REV3L: variants seen among roughly 807,000 people sequenced by gnomAD.
The protein encoded by REV3L is REV3 like, DNA directed polymerase zeta catalytic subunit, also known as DNA polymerase zeta catalytic subunit.
In REV3L, 69 loss-of-function variants were observed where a neutral mutation model predicts 299.4. That is an observed-to-expected ratio of 0.23 (90% confidence interval 0.19 to 0.28). REV3L has a LOEUF of 0.28. Among genes scored for constraint, REV3L ranks in the 10% least tolerant of loss-of-function variants. REV3L has a pLI of 1.00. For missense variants in REV3L, 3,128 were observed against 3,693.8 expected, an observed-to-expected ratio of 0.85 and a Z score of 3.97; for synonymous variants, 1,238 against 1,271.4, an observed-to-expected ratio of 0.97 and a Z score of 0.56.
At chr6:111,321,100 T>C (rs190225560) in intron 26 of REV3L, among the ~76,000 whole-genome samples, 50 of 152,074 alleles carry the variant, frequency 3.3e-4, no homozygotes, top group Non-Finnish European at 6.2e-4. Flanking sequence ...TGAATATCAA[T>C]TTATGGCTCT....
intron 1 of REV3L, among the ~76,000 whole-genome samples, chr6:111,475,734 T>C (rs12214380): frequency 0.4 from 61,120 of 152,138 alleles, 14,878 homozygotes; most frequent in Non-Finnish European, 0.54. Flanking sequence ...CTGTTTCTCT[T>C]TTAACTTTGT....
intron 11 of REV3L, among the ~76,000 whole-genome samples, chr6:111,379,691 T>C (rs1780637469): frequency 6.6e-6 from 1 of 152,216 alleles, no homozygotes; most frequent in African/African-American, 2.4e-5. Flanking sequence ...AGTTCTAAGA[T>C]AAGAAGGCAC....
At chr6:111,322,796 C>T (rs1022731304) in intron 25 of REV3L, 118 bp from the exon 26 acceptor site, 19 of 738,728 alleles carry the variant, frequency 2.6e-5, no homozygotes, top group South Asian at 1.2e-4. Context: ...GAGAAAAGAA[C>T]GTAAAAAAGA....
intron 31 of REV3L, among the ~76,000 whole-genome samples, chr6:111,306,528 G>T (rs1381285742): frequency 1.3e-5 from 2 of 152,128 alleles, no homozygotes; most frequent in Non-Finnish European, 2.9e-5. Flanking sequence ...TGAGATGTTT[G>T]TTGTTTATTT....
At chr6:111,386,717 ATTTTTTTT>A (rs67124715) in intron 9 of REV3L, among the ~76,000 whole-genome samples, 37 of 97,650 alleles carry the variant, frequency 3.8e-4, no homozygotes, top group Admixed American at 1.7e-3. Flanking sequence ...TAACAGCACT[ATTTTTTTT>A]TTTTTTTTTT....
chr6:111,351,939 C>T, intron 18 of REV3L, 148 bp from the exon 19 acceptor site: 1 of 528,480 alleles, frequency 1.9e-6, no homozygotes, highest in Non-Finnish European at 3.4e-6. Flanking sequence ...ACAGTGGTAC[C>T]TACAGAGTTT....
intron 26 of REV3L, among the ~76,000 whole-genome samples, chr6:111,320,207 T>G (rs2114771913): frequency 6.6e-6 from 1 of 152,320 alleles, no homozygotes; most frequent in South Asian, 2.1e-4. Context: ...TAACTGGGAT[T>G]ACAGGCATGC....
At chr6:111,300,528 TAA>T (rs970743056) in intron 31 of REV3L, among the ~76,000 whole-genome samples, 7 of 152,190 alleles carry the variant, frequency 4.6e-5, no homozygotes, top group Admixed American at 2.6e-4. Flanking sequence ...ATGCCAATCA[TAA>T]AAAAGTTACT....
intron 31 of REV3L, among the ~76,000 whole-genome samples, chr6:111,304,939 GTTC>G (rs1040898218): frequency 1.4e-5 from 2 of 145,846 alleles, no homozygotes; most frequent in African/African-American, 5.1e-5. Flanking sequence ...TTTGTTCTTT[GTTC>G]TTTTTTTTTT....
At position 111,309,846 on chromosome 6, in the gene REV3L, A is replaced by C. The variant is rs767942206; in HGVS notation, c.9042+7T>G. 1.2e-6 allele frequency: 2 copies of C among 1,612,100 alleles called. No homozygotes were observed. The highest frequency in any genetic ancestry group is 1.3e-5 in the African/African-American group (1 of 75,000). On this transcript the variant is annotated splice_region_variant and intron_variant, in intron 30 of 31. Transcript: ENST00000368802. Reference sequence around the variant, plus strand: ...GTTAGAGCACATGTACTATTTGGTAAGCTTACCCTTGGTAATTCATGATAC... The same window carrying C: ...GTTAGAGCACATGTACTATTTGGTACGCTTACCCTTGGTAATTCATGATAC...
intron 1 of REV3L, among the ~76,000 whole-genome samples, chr6:111,451,039 T>A (rs1789477589): frequency 6.6e-6 from 1 of 152,198 alleles, no homozygotes; most frequent in Admixed American, 6.5e-5. Context: ...ATAAAAAACA[T>A]TACAGGTTCA....
rs528670807 is a variant in REV3L, at chr6:111,334,942, A to G, written c.7680+527T>C. ...TAACAAACTACAGGTATTCAAATAC[A>G]TATTTGTTGAATATATAAAATCATT... is the stretch of plus-strand genomic sequence containing the variant. On this transcript the variant is annotated intron_variant, in intron 22 of 31. Coordinates refer to ENST00000368802, the MANE Select transcript of REV3L (RefSeq NM_001372078.1). 5.3e-5 allele frequency among the ~76,000 whole-genome samples: 8 copies of G among 152,306 alleles called. No individual in the cohort carries two copies. The South Asian group carries it at 1.7e-3, about 32-fold the overall frequency.
At chr6:111,320,823 A>C (rs560814210) in intron 26 of REV3L, among the ~76,000 whole-genome samples, 1 of 151,960 alleles carries the variant, frequency 6.6e-6, no homozygotes, top group African/African-American at 2.4e-5. Context: ...CTAATTTTTA[A>C]ATTTTTTGTA....
At chr6:111,463,728 A>G (rs1432619915) in intron 1 of REV3L, among the ~76,000 whole-genome samples, 2 of 152,200 alleles carry the variant, frequency 1.3e-5, no homozygotes, top group South Asian at 2.1e-4. Flanking sequence ...TCATTTTATT[A>G]TAACAATGAG....
At chr6:111,475,757 C>T (rs933119419) in intron 1 of REV3L, among the ~76,000 whole-genome samples, 1 of 151,928 alleles carries the variant, frequency 6.6e-6, no homozygotes, top group Non-Finnish European at 1.5e-5. Flanking sequence ...GATTTTTTCC[C>T]CTGTACAGAA....
At chr6:111,399,299 A>C (rs1441694960) in intron 4 of REV3L, among the ~76,000 whole-genome samples, 3 of 152,136 alleles carry the variant, frequency 2.0e-5, no homozygotes, top group Non-Finnish European at 4.4e-5. Context: ...ATAACTTTAG[A>C]TTTACAGAAA....
chr6:111,411,297 A>G (rs892728034), intron 3 of REV3L, among the ~76,000 whole-genome samples, 183 bp downstream of exon 3: 3 of 151,998 alleles, frequency 2.0e-5, no homozygotes, highest in African/African-American at 7.3e-5. Flanking sequence ...GGGAGCCTCC[A>G]CCTCTAAAAT....
rs944790042 is a variant in REV3L, at chr6:111,322,554, C to T, written c.8351+15G>A. 6.3e-7 allele frequency: 1 copy of T among 1,598,728 alleles called. No individual in the cohort carries two copies. The highest frequency in any genetic ancestry group is 8.6e-7 in the Non-Finnish European group (1 of 1,166,318). On this transcript the variant is annotated intron_variant, in intron 26 of 31. Coordinates refer to ENST00000368802, the MANE Select transcript of REV3L (RefSeq NM_001372078.1). ...AGAGATGCAAAAGACAACTACAAAA[C>T]CAAAAACCCATTACCTGTCAGTATC...
At chr6:111,436,966 T>G (rs370039309) in intron 1 of REV3L, among the ~76,000 whole-genome samples, 11 of 152,146 alleles carry the variant, frequency 7.2e-5, no homozygotes, top group East Asian at 3.8e-4. Flanking sequence ...TGAATAAACA[T>G]TTTCCTGAGG....
Sources: allele counts gnomAD v4.1 joint callset (sites outside exome capture counted in the v4.1 genomes callset), GRCh38; gene constraint gnomAD v4.1.1; transcripts MANE v1.5; gene names NCBI Gene and HGNC (gene_info 2026-07-23, HGNC 2026-07-21).